Variants in PAQR3 observed in about 807,000 individuals in gnomAD.
The protein encoded by PAQR3 is progestin and adipoQ receptor family member 3.
PAQR3 carries 39 observed loss-of-function variants against 41.7 expected under a neutral mutation model. The ratio of observed to expected loss-of-function variants is 0.93; its 90% CI spans 0.72 to 1.22. The LOEUF is 1.22. Ranked by LOEUF, PAQR3 falls within the 50% of genes most tolerant of loss-of-function variation. The pLI, the probability that PAQR3 is intolerant of heterozygous loss-of-function variation, is 0.00. For synonymous variants in PAQR3, 140 were observed against 140.6 expected (o/e 1.00, Z 0.03); for missense variants, 366 against 385.6 (o/e 0.95, Z 0.42).
At chr4:78,935,039 A>G in intron 2 of PAQR3, 82 bp downstream of exon 2, 2 of 1,303,510 alleles carry the variant, frequency 1.5e-6, no homozygotes, top group Non-Finnish European at 2.1e-6. Context: ...AGCAAGTGGT[A>G]GGTCTGAGGT....
chr4:78,932,656 A>G (rs771141957), intron 2 of PAQR3, among the ~76,000 whole-genome samples: 9 of 152,204 alleles, frequency 5.9e-5, no homozygotes, highest in Admixed American at 1.3e-4. Flanking sequence ...CTACATGATT[A>G]TATCTTGTAG....
chr4:78,938,729 C>T (rs1411600406), intron 1 of PAQR3, among the ~76,000 whole-genome samples: 1 of 151,988 alleles, frequency 6.6e-6, no homozygotes, highest in East Asian at 1.9e-4. Context: ...GGCTCAGCCC[C>T]ATTTCAATAT....
rs980706271 is a variant in PAQR3 at position 78,894,657 on chromosome 4, C to T, written c.*837-6509G>A. ...ATCAGCAGTAAGGTTGTTTTCCTTT[C>T]TTACCGTTCATCACTGATCACTGGA... On this transcript the variant is annotated intron_variant and NMD_transcript_variant, in intron 11 of 12. Coordinates refer to the PAQR3 transcript ENST00000342820. Among the ~76,000 whole-genome samples the T allele has an allele frequency of 2.6e-5, 4 of 152,218 alleles. No individual in the cohort carries two copies. In the South Asian group the frequency reaches 8.3e-4, roughly 31 times the overall value.
intron 1 of PAQR3, among the ~76,000 whole-genome samples, chr4:78,938,784 C>G (rs1737711676): frequency 6.6e-6 from 1 of 151,868 alleles, no homozygotes; most frequent in Non-Finnish European, 1.5e-5. Context: ...TGTAAAAGCC[C>G]TTTGTAAAGA....
At chr4:78,910,501 AACTC>A (rs2110109253), downstream of PAQR3, 1 of 911,794 alleles carries the variant, frequency 1.1e-6, no homozygotes, top group Non-Finnish European at 1.6e-6. Flanking sequence ...CCTCTAAGGG[AACTC>A]GTATGAGGGA....
chr4:78,911,075 C>T (rs755274270), downstream of PAQR3: 5 of 1,613,986 alleles, frequency 3.1e-6, no homozygotes, highest in Non-Finnish European at 3.4e-6. Flanking sequence ...GCCCAATTAT[C>T]CTCTGATGTT....
intron 1 of PAQR3, among the ~76,000 whole-genome samples, chr4:78,936,689 G>A (rs569634816): frequency 6.6e-5 from 10 of 152,330 alleles, no homozygotes; most frequent in Admixed American, 6.5e-4. Flanking sequence ...GCACGAATGT[G>A]CTTGAAACAT....
chr4:78,889,038 G>A (rs1418198902), intron 11 of PAQR3, among the ~76,000 whole-genome samples: 1 of 152,010 alleles, frequency 6.6e-6, no homozygotes, highest in African/African-American at 2.4e-5. Context: ...TGGCTAACAC[G>A]GTGAAACCCC....
rs777103012 is a variant in PAQR3, at chr4:78,930,162, C to T, written c.504+8G>A. ...AAGGTCGAATGTAAAATGTTTTCAT[C>T]TACTTACGTTATTACAATAAAATGC... On this transcript the variant is annotated splice_region_variant and intron_variant, in intron 3 of 5. Transcript: ENST00000512733. 6.3e-7 allele frequency: 1 copy of T among 1,593,196 alleles called. No homozygotes were observed. The highest frequency in any genetic ancestry group is 8.5e-7 in the Non-Finnish European group (1 of 1,172,560).
intron 11 of PAQR3, among the ~76,000 whole-genome samples, chr4:78,904,788 A>G (rs2110100328): frequency 6.6e-6 from 1 of 152,048 alleles, no homozygotes; most frequent in South Asian, 2.1e-4. Context: ...TTCTACTTGA[A>G]ATGGCTTAAT....
intron 11 of PAQR3, among the ~76,000 whole-genome samples, chr4:78,891,296 C>G (rs897780137): frequency 6.6e-6 from 1 of 152,096 alleles, no homozygotes; most frequent in Non-Finnish European, 1.5e-5. Context: ...GCTCCTCTTT[C>G]TCTTCCTCCT....
rs1236118351 is a variant in PAQR3 at position 78,918,002 on chromosome 4, G to A, written c.*2537C>T. The A allele has an allele frequency of 2.0e-5, 20 of 982,800 alleles. No homozygotes were observed. Among genetic ancestry groups the A allele is most frequent in the African/African-American group, 3.5e-5 (2 of 57,120 alleles). 60.9% of individuals were successfully genotyped at this position (982,800 alleles called of 1,614,324 possible). On this transcript the variant is annotated 3_prime_UTR_variant, in exon 6 of 6. Coordinates refer to ENST00000512733, the MANE Select transcript of PAQR3 (RefSeq NM_001040202.2). ...TTGTCATGCAGCTTACTGAATTGCA[G>A]TTAGTGTAATAACAAAAAAAGACAA...
Position 78,918,552 on chromosome 4 carries a change from T to C in PAQR3, c.*1987A>G. On this transcript the variant is annotated 3_prime_UTR_variant, in exon 6 of 6. Transcript: ENST00000512733. The stretch of plus-strand genomic sequence containing the variant: ...AGTTGAAATGTTTACATGGAATAAT[T>C]TTCCCTACAGAAAGACCTGTACACC... 2.0e-6 allele frequency: 2 copies of C among 976,482 alleles called. No homozygotes were observed. The highest frequency in any genetic ancestry group is 2.4e-6 in the Non-Finnish European group (2 of 821,452). 60.5% of individuals were successfully genotyped at this position (976,482 alleles called of 1,614,324 possible). A position where few individuals can be genotyped will look rare whatever the true frequency, so the allele number is the denominator to read the frequency against.
chr4:78,911,203 C>T (rs771109259), downstream of PAQR3: 2 of 1,613,646 alleles, frequency 1.2e-6, no homozygotes, highest in Non-Finnish European at 1.7e-6. Context: ...ACACAGGTTT[C>T]CTGCTGCAGG....
chr4:78,901,696 G>A (rs902067142), intron 11 of PAQR3, among the ~76,000 whole-genome samples: 4 of 152,132 alleles, frequency 2.6e-5, no homozygotes, highest in African/African-American at 9.7e-5. Flanking sequence ...CATAGGATAG[G>A]TGGCTCTGTG....
chr4:78,890,604 A>G (rs762658944), intron 11 of PAQR3, among the ~76,000 whole-genome samples: 5 of 152,056 alleles, frequency 3.3e-5, no homozygotes, highest in Non-Finnish European at 7.4e-5. Context: ...TATAATCACT[A>G]TGTTTTTTGT....
At position 78,939,256 on chromosome 4, in the gene PAQR3, G is replaced by C; in HGVS notation, c.-32C>G. 6.4e-7 allele frequency: 1 copy of C among 1,568,606 alleles called. No homozygotes were observed. Among genetic ancestry groups the C allele is most frequent in the Non-Finnish European group, 8.6e-7 (1 of 1,160,932 alleles). On this transcript the variant is annotated 5_prime_UTR_variant, in exon 1 of 6. Coordinates refer to ENST00000512733, the MANE Select transcript of PAQR3 (RefSeq NM_001040202.2). Reference sequence around the variant, plus strand: ...CGGCCGCCGCCGCTCCCCGGCTCGGGAGCTCCCCCAGGTCCCGCCTCCCCG... The same window carrying C: ...CGGCCGCCGCCGCTCCCCGGCTCGGCAGCTCCCCCAGGTCCCGCCTCCCCG...
At chr4:78,910,154 A>C (rs1734508890), downstream of PAQR3, among the ~76,000 whole-genome samples, 2 of 152,240 alleles carry the variant, frequency 1.3e-5, no homozygotes, top group Admixed American at 1.3e-4. Flanking sequence ...ATAGTGAAAC[A>C]AATACGTAAC....
downstream of PAQR3, chr4:78,911,821 C>T (rs539920976): frequency 7.3e-5 from 118 of 1,613,956 alleles, no homozygotes; most frequent in Non-Finnish European, 9.7e-5. Context: ...GAGCGACATC[C>T]GTGCTGATCA....
Sources: allele counts gnomAD v4.1 joint callset (sites outside exome capture counted in the v4.1 genomes callset), GRCh38; gene constraint gnomAD v4.1.1; transcripts MANE v1.5; gene names NCBI Gene and HGNC (gene_info 2026-07-23, HGNC 2026-07-21).